Variants in AGBL3 observed in about 807,000 individuals in gnomAD.
AGBL3 encodes cytosolic carboxypeptidase 3.
In AGBL3, 68 loss-of-function variants were observed where a neutral mutation model predicts 94.5. The observed-to-expected ratio is 0.72, with a 90% CI of 0.59 to 0.88. The LOEUF (loss-of-function observed/expected upper bound fraction) is 0.88, where lower values mean the gene tolerates loss of function less well. AGBL3 is among the 40% of genes least tolerant of loss of function. The pLI is 0.00. For synonymous variants in AGBL3, 354 were observed against 370.7 expected, an observed-to-expected ratio of 0.95 and a Z score of 0.52; for missense variants, 934 against 1,103.8, an observed-to-expected ratio of 0.85 and a Z score of 2.18.
chr7:135,072,371 C>G (rs1403785267), intron 12 of AGBL3, among the ~76,000 whole-genome samples: 1 of 152,162 alleles, frequency 6.6e-6, no homozygotes, highest in African/African-American at 2.4e-5. Flanking sequence ...CCTCAGGGAT[C>G]CAGAACTAGA....
chr7:135,028,440 T>C (rs2116382423), intron 5 of AGBL3, among the ~76,000 whole-genome samples: 1 of 152,360 alleles, frequency 6.6e-6, no homozygotes, highest in South Asian at 2.1e-4. Context: ...ATAAATTTCA[T>C]GTTAAGAAAC....
intron 16 of AGBL3, among the ~76,000 whole-genome samples, chr7:135,124,908 G>A (rs1400433026): frequency 6.6e-6 from 1 of 152,138 alleles, no homozygotes; most frequent in Non-Finnish European, 1.5e-5. Context: ...ATTGTGTTAA[G>A]GGGGAAATTT....
chr7:135,065,442 C>G (rs1383319777), intron 12 of AGBL3, among the ~76,000 whole-genome samples: 1 of 152,170 alleles, frequency 6.6e-6, no homozygotes, highest in Non-Finnish European at 1.5e-5. Flanking sequence ...TACAAAGCTA[C>G]AATAACCAAA....
At chr7:135,126,609 G>C (rs1827904849) in intron 16 of AGBL3, among the ~76,000 whole-genome samples, 1 of 152,190 alleles carries the variant, frequency 6.6e-6, no homozygotes, top group Non-Finnish European at 1.5e-5. Context: ...GAACAAAGCT[G>C]GAGAGGTATC....
intron 8 of AGBL3, among the ~76,000 whole-genome samples, chr7:135,043,796 TA>T (rs1272314600): frequency 8.3e-6 from 1 of 119,852 alleles, no homozygotes; most frequent in Admixed American, 8.5e-5. Flanking sequence ...TATCTTTCTA[TA>T]AAAATAGTAA....
intron 8 of AGBL3, among the ~76,000 whole-genome samples, chr7:135,038,383 T>C (rs560603724): frequency 7.2e-5 from 11 of 152,348 alleles, no homozygotes; most frequent in South Asian, 2.1e-4. Flanking sequence ...CCCAAACCCA[T>C]AGCTGAAGCT....
intron 15 of AGBL3, among the ~76,000 whole-genome samples, chr7:135,091,913 G>A (rs183356221): frequency 2.0e-4 from 30 of 152,336 alleles, no homozygotes; most frequent in African/African-American, 7.2e-4. Flanking sequence ...GCACAAGTTG[G>A]TCTGCTGGCT....
intron 5 of AGBL3, among the ~76,000 whole-genome samples, chr7:135,030,534 T>C (rs972628729): frequency 6.6e-6 from 1 of 152,214 alleles, no homozygotes; most frequent in Non-Finnish European, 1.5e-5. Flanking sequence ...AATTCGACTA[T>C]GGTGTGCCTA....
At chr7:135,001,437 A>G (rs1811702643) in intron 4 of AGBL3, among the ~76,000 whole-genome samples, 1 of 152,176 alleles carries the variant, frequency 6.6e-6, no homozygotes, top group Non-Finnish European at 1.5e-5. Context: ...ATTGCCACAG[A>G]TGATTTGAGG....
At chr7:135,066,449 G>C (rs1035179021) in intron 12 of AGBL3, among the ~76,000 whole-genome samples, 7 of 151,896 alleles carry the variant, frequency 4.6e-5, no homozygotes, top group African/African-American at 1.7e-4. Context: ...CACCTGCTTG[G>C]TCAAAAAATT....
chr7:135,096,741 A>G (rs1445902946), intron 15 of AGBL3, among the ~76,000 whole-genome samples: 1 of 120,510 alleles, frequency 8.3e-6, no homozygotes, highest in Non-Finnish European at 1.8e-5. Context: ...AAGAGAAAGA[A>G]TGAAAGAAAG....
At position 135,059,328 on chromosome 7, in the gene AGBL3, G is replaced by A. The variant is rs1818623368; in HGVS notation, c.1908+93G>A. On this transcript the variant is annotated intron_variant, in intron 12 of 16. Transcript: ENST00000436302. ...ATCAGGCAAAAAAAATTGCAGATAT[G>A]TAATTATTGTATCATCATTTATTTT... is the stretch of plus-strand genomic sequence containing the variant. 7.7e-6 allele frequency: 5 copies of A among 652,610 alleles called. No individual in the cohort carries two copies. In the South Asian group the frequency reaches 1.3e-4, roughly 16 times the overall value. The allele number at this position is 652,610 out of a possible 1,614,324, so 40.4% of individuals were successfully genotyped here.
intron 5 of AGBL3, among the ~76,000 whole-genome samples, chr7:135,022,036 T>G (rs12707196): frequency 0.93 from 141,508 of 152,124 alleles, 66,593 homozygotes; most frequent in Non-Finnish European, 1. Flanking sequence ...CATGGTGTAT[T>G]TGTACCATAT....
intron 8 of AGBL3, among the ~76,000 whole-genome samples, chr7:135,040,882 A>AC (rs1293051167): frequency 1.0e-3 from 14 of 13,386 alleles, no homozygotes; most frequent in East Asian, 0.011. Flanking sequence ...ACACACACAC[A>AC]CACCACACAC....
chr7:135,017,348 T>C (rs1813919220), intron 5 of AGBL3, 189 bp downstream of exon 5: 1 of 554,658 alleles, frequency 1.8e-6, no homozygotes, highest in South Asian at 2.3e-5. Flanking sequence ...TGTATTGCAG[T>C]TTATGCAAAG....
chr7:134,987,674 C>T (rs1809644811), intron 1 of AGBL3, among the ~76,000 whole-genome samples: 1 of 151,986 alleles, frequency 6.6e-6, no homozygotes, highest in South Asian at 2.1e-4. Context: ...CTTGATTTGT[C>T]TTATTGTGGT....
chr7:135,042,620 TA>T (rs1402533379), intron 8 of AGBL3, among the ~76,000 whole-genome samples: 1 of 152,030 alleles, frequency 6.6e-6, no homozygotes, highest in Non-Finnish European at 1.5e-5. Flanking sequence ...TTAAAATTCA[TA>T]AAATGAGGCT....
At chr7:134,998,427 A>G (rs1228501656) in intron 4 of AGBL3, among the ~76,000 whole-genome samples, 1 of 152,054 alleles carries the variant, frequency 6.6e-6, no homozygotes, top group East Asian at 1.9e-4. Flanking sequence ...GATTTTCCTC[A>G]TTACCTATTT....
At chr7:135,058,723 G>A (rs190417643) in intron 11 of AGBL3, among the ~76,000 whole-genome samples, 34 of 152,088 alleles carry the variant, frequency 2.2e-4, no homozygotes, top group African/African-American at 7.7e-4. Flanking sequence ...AAGCTGTCTG[G>A]AACTACTAAA....
Sources: allele counts gnomAD v4.1 joint callset (sites outside exome capture counted in the v4.1 genomes callset), GRCh38; gene constraint gnomAD v4.1.1; transcripts MANE v1.5; gene names NCBI Gene and HGNC (gene_info 2026-07-23, HGNC 2026-07-21).